FGF1: variants seen among roughly 807,000 people sequenced by gnomAD.
The protein encoded by FGF1 is fibroblast growth factor 1.
In FGF1, 9 loss-of-function variants were observed where a neutral mutation model predicts 13.4. That is an observed-to-expected ratio of 0.67 (90% confidence interval 0.40 to 1.17). The LOEUF (loss-of-function observed/expected upper bound fraction) is 1.17. Ranked by LOEUF, FGF1 falls within the 50% of genes most tolerant of loss-of-function variation. The probability of loss-of-function intolerance (pLI) is 0.01; values close to 1 mark genes in which losing one functional copy is unlikely to be tolerated. For missense variants in FGF1, 156 were observed against 192.7 expected, an observed-to-expected ratio of 0.81 and a Z score of 1.13; for synonymous variants, 93 against 79.0, an observed-to-expected ratio of 1.18 and a Z score of -0.94.
At chr5:142,669,859 C>T (rs377513203) in intron 1 of FGF1, among the ~76,000 whole-genome samples, 5 of 152,144 alleles carry the variant, frequency 3.3e-5, no homozygotes, top group Non-Finnish European at 7.4e-5. Context: ...GGTCACTCCA[C>T]ACTCTGAGAT....
chr5:142,692,708 GACAC>G (rs567647682), intron 2 of FGF1, among the ~76,000 whole-genome samples: 33 of 146,372 alleles, frequency 2.3e-4, no homozygotes, highest in Middle Eastern at 6.9e-3. Context: ...CACACGCACA[GACAC>G]ACACACACAC....
At chr5:142,677,039 G>A (rs532594736) in intron 1 of FGF1, among the ~76,000 whole-genome samples, 2 of 152,294 alleles carry the variant, frequency 1.3e-5, no homozygotes, top group South Asian at 4.1e-4. Context: ...GGACTGGCCC[G>A]GGCAGCAGCT....
intron 1 of FGF1, among the ~76,000 whole-genome samples, chr5:142,627,832 T>C (rs899494471): frequency 2.6e-5 from 4 of 152,242 alleles, no homozygotes; most frequent in Admixed American, 1.3e-4. Flanking sequence ...TTTTTAAGGA[T>C]GTGGTCTATT....
intron 1 of FGF1, among the ~76,000 whole-genome samples, chr5:142,684,580 A>T (rs1198945464): frequency 6.6e-6 from 1 of 152,182 alleles, no homozygotes; most frequent in Non-Finnish European, 1.5e-5. Flanking sequence ...TCAAGAGGGG[A>T]CTTTCCTCGG....
intron 1 of FGF1, among the ~76,000 whole-genome samples, chr5:142,680,489 G>C (rs10428538): frequency 2.0e-5 from 3 of 152,172 alleles, no homozygotes; most frequent in Admixed American, 2.0e-4. Flanking sequence ...CTGGTAAGCT[G>C]CTAGTTCTGA....
At chr5:142,609,263 AT>A (rs1758521202) in intron 2 of FGF1, among the ~76,000 whole-genome samples, 1 of 152,088 alleles carries the variant, frequency 6.6e-6, no homozygotes, top group Admixed American at 6.5e-5. Context: ...GCTTAAGAAC[AT>A]TTCCATTTGT....
At position 142,677,521 on chromosome 5, in the gene FGF1, C is replaced by A. The variant is rs565659871; in HGVS notation, c.-35+8436G>T. On this transcript the variant is annotated intron_variant, in intron 1 of 3. Coordinates refer to ENST00000337706, the MANE Select transcript of FGF1 (RefSeq NM_000800.5). ...AAGCCGACTAAGCCAGAGCAGCTGA[C>A]ACATAGCATAGGGTCCTGGGAACTG... Among the ~76,000 whole-genome samples the A allele has an allele frequency of 3.2e-4, 48 of 152,336 alleles. No homozygotes were observed. The South Asian group carries it at 3.9e-3, about 12-fold the overall frequency.
intron 1 of FGF1, among the ~76,000 whole-genome samples, chr5:142,620,691 G>C (rs537064579): frequency 8.1e-4 from 123 of 152,242 alleles, no homozygotes; most frequent in Non-Finnish European, 1.6e-3. Context: ...AGAGCAAACA[G>C]ACACCAAATA....
chr5:142,612,686 G>A (rs1044347636), intron 2 of FGF1, among the ~76,000 whole-genome samples: 2 of 151,814 alleles, frequency 1.3e-5, no homozygotes, highest in Non-Finnish European at 2.9e-5. Context: ...CCCATTTGAA[G>A]ATAAGCCATC....
At chr5:142,676,922 C>CAA (rs769885903) in intron 1 of FGF1, among the ~76,000 whole-genome samples, 5 of 149,950 alleles carry the variant, frequency 3.3e-5, no homozygotes, top group Admixed American at 2.0e-4. Context: ...AAAAACAAAA[C>CAA]AACAACAACA....
chr5:142,627,293 A>G (rs929907475), intron 1 of FGF1: 2 of 152,198 alleles, frequency 1.3e-5, no homozygotes, highest in African/African-American at 4.8e-5. Context: ...TTCTCCAGCC[A>G]AGAGAAGTGT....
chr5:142,680,636 C>G (rs1773538822), intron 1 of FGF1: 1 of 152,158 alleles, frequency 6.6e-6, no homozygotes, highest in African/African-American at 2.4e-5. Context: ...TAGGGCTTCA[C>G]AGTGTACCCA....
chr5:142,681,009 C>A (rs144678450), intron 1 of FGF1, among the ~76,000 whole-genome samples: 5 of 152,230 alleles, frequency 3.3e-5, no homozygotes, highest in African/African-American at 4.8e-5. Flanking sequence ...AATTTGAAAA[C>A]CCCTGGACAA....
rs753241362 is a variant in FGF1 at position 142,592,675 on chromosome 5, A to G, written c.*2615T>C. 1.3e-5 allele frequency: 5 copies of G among 382,400 alleles called. No individual in the cohort carries two copies. Among genetic ancestry groups the G allele is most frequent in the Non-Finnish European group, 2.3e-5 (5 of 216,242 alleles). 23.7% of individuals were successfully genotyped at this position (382,400 alleles called of 1,614,324 possible). On this transcript the variant is annotated 3_prime_UTR_variant, in exon 4 of 4. Transcript: ENST00000337706. ...AGGGAACTACCAACCTCTTCCTTCT[A>G]AGAAGATCTGACAGGCTCTTTGGCT...
chr5:142,668,675 G>A (rs962391176), intron 1 of FGF1, among the ~76,000 whole-genome samples: 2 of 152,194 alleles, frequency 1.3e-5, no homozygotes, highest in Non-Finnish European at 2.9e-5. Flanking sequence ...TTGTCAAAAG[G>A]TTGCAACAAG....
At chr5:142,651,221 T>A (rs1767188297) in intron 1 of FGF1, among the ~76,000 whole-genome samples, 1 of 152,162 alleles carries the variant, frequency 6.6e-6, no homozygotes. Flanking sequence ...CACGGGAGCC[T>A]GAACCCACCA....
At chr5:142,637,923 C>T (rs954427712) in intron 1 of FGF1, among the ~76,000 whole-genome samples, 2 of 152,002 alleles carry the variant, frequency 1.3e-5, no homozygotes, top group African/African-American at 4.8e-5. Context: ...GCCTTCTGGT[C>T]TTATGACTCT....
At chr5:142,672,486 T>A (rs1351644645) in intron 1 of FGF1, among the ~76,000 whole-genome samples, 1 of 150,938 alleles carries the variant, frequency 6.6e-6, no homozygotes, top group Non-Finnish European at 1.5e-5. Context: ...CTCCTTCAGG[T>A]CTTTTTCTGT....
intron 1 of FGF1, among the ~76,000 whole-genome samples, chr5:142,685,081 A>T (rs1774431374): frequency 6.6e-6 from 1 of 152,138 alleles, no homozygotes; most frequent in Non-Finnish European, 1.5e-5. Flanking sequence ...TGAAATTTCC[A>T]TCTCAGTATC....
Sources: gnomAD v4.1 joint callset for allele counts (sites outside exome capture counted in the v4.1 genomes callset) on GRCh38, gnomAD v4.1.1 for gene constraint, MANE v1.5 for transcripts, NCBI Gene and HGNC (gene_info 2026-07-23, HGNC 2026-07-21) for gene names.